SEPSECS: variants seen among roughly 807,000 people sequenced by gnomAD.
SEPSECS encodes O-phosphoseryl-tRNA(Sec) selenium transferase.
In SEPSECS, 42 loss-of-function variants were observed where a neutral mutation model predicts 52.1. The ratio of observed to expected loss-of-function variants is 0.81; its 90% CI spans 0.63 to 1.04. The LOEUF is 1.04. SEPSECS is among the 50% of genes least tolerant of loss of function. The pLI is 0.00. For synonymous variants in SEPSECS, 216 were observed against 211.4 expected, an observed-to-expected ratio of 1.02 and a Z score of -0.19; for missense variants, 590 against 610.6, an observed-to-expected ratio of 0.97 and a Z score of 0.36.
At chr4:25,124,592 T>C (rs552665159) in intron 10 of SEPSECS, among the ~76,000 whole-genome samples, 1 of 152,300 alleles carries the variant, frequency 6.6e-6, no homozygotes, top group Admixed American at 6.5e-5. Flanking sequence ...AATGATTTGG[T>C]TTTGTGCCAA....
chr4:25,156,254 T>G, intron 3 of SEPSECS, 59 bp from the exon 4 acceptor site: 1 of 1,436,826 alleles, frequency 7.0e-7, no homozygotes, highest in Admixed American at 1.7e-5. Context: ...GCATCCTTCT[T>G]GAGGAAATAA....
chr4:25,155,628 T>C (rs2109033467), intron 4 of SEPSECS, among the ~76,000 whole-genome samples: 1 of 152,314 alleles, frequency 6.6e-6, no homozygotes, highest in African/African-American at 2.4e-5. Context: ...AATCATCTAC[T>C]TAATGTTTTA....
intron 6 of SEPSECS, among the ~76,000 whole-genome samples, chr4:25,147,312 T>C (rs116547614): frequency 4.6e-4 from 70 of 152,346 alleles, no homozygotes; most frequent in African/African-American, 1.7e-3. Flanking sequence ...GCACAAAAAA[T>C]AGAATGCTCT....
At chr4:25,126,979 A>G (rs937408350) in intron 9 of SEPSECS, among the ~76,000 whole-genome samples, 3 of 152,186 alleles carry the variant, frequency 2.0e-5, no homozygotes, top group African/African-American at 7.2e-5. Context: ...AATTATTTAT[A>G]AATAGAGTTA....
chr4:25,145,036 G>A lies in SEPSECS; in HGVS notation c.902C>T (p.Ser301Leu), dbSNP rs1363933594. ...CATCTTGCTGATTTCCTGAATGAAT[G>A]AATCATTAAAGCCAGCAATTATAGC... Reference protein sequence around the residue: ...GGAIIAGFNDSFIQEISKMYP... With the variant: ...GGAIIAGFNDLFIQEISKMYP... The change falls in exon 7 of 11, where the codon TCA (serine) becomes TTA (leucine). Residue 301 changes from serine to leucine, a missense_variant. By Grantham distance (145) the Ser-to-Leu change is moderately radical (BLOSUM62 -2). Coordinates refer to ENST00000382103, the MANE Select transcript of SEPSECS (RefSeq NM_016955.4). 1.2e-6 allele frequency: 2 copies of A among 1,613,738 alleles called. No individual in the cohort carries two copies. The highest frequency in any genetic ancestry group is 1.3e-5 in the African/African-American group (1 of 74,896).
chr4:25,160,521 T>A, upstream of SEPSECS: 1 of 642,530 alleles, frequency 1.6e-6, no homozygotes, highest in South Asian at 2.1e-5. Context: ...AAAAAACACT[T>A]CTCGTTCGTG....
rs553973758 is a variant in SEPSECS at position 25,141,505 on chromosome 4, T to C, written c.1026+3269A>G. Among the ~76,000 whole-genome samples the C allele has an allele frequency of 9.9e-5, 15 of 152,270 alleles. No individual in the cohort carries two copies. In the East Asian group the frequency reaches 2.7e-3, roughly 27 times the overall value. ...GCTTCCCCATCATAGCTAATGGCTG[T>C]TCCATCCTTCCAATTGCTCAGGTCA... On this transcript the variant is annotated intron_variant, in intron 8 of 10. Coordinates refer to ENST00000382103, the MANE Select transcript of SEPSECS (RefSeq NM_016955.4).
chr4:25,154,611 A>T (rs1712505732), intron 5 of SEPSECS, among the ~76,000 whole-genome samples: 1 of 152,166 alleles, frequency 6.6e-6, no homozygotes, highest in Non-Finnish European at 1.5e-5. Context: ...AAACAATCCT[A>T]ATTTTTTTTT....
intron 9 of SEPSECS, 69 bp from the exon 10 acceptor site, chr4:25,125,853 T>C: frequency 2.2e-6 from 2 of 918,266 alleles, no homozygotes; most frequent in Non-Finnish European, 3.6e-6. Flanking sequence ...ATAATAACAA[T>C]AATAATGATG....
intron 8 of SEPSECS, among the ~76,000 whole-genome samples, chr4:25,136,052 C>A (rs1004328374): frequency 2.0e-5 from 3 of 152,086 alleles, no homozygotes; most frequent in African/African-American, 7.2e-5. Flanking sequence ...AGGAACATAT[C>A]TCAAAATAAT....
chr4:25,144,762 G>C lies in SEPSECS; in HGVS notation c.1026+12C>G, dbSNP rs374504942. ...TCAAGAATGTTATTCGACACCTAAA[G>C]GGAAAGCTTACCTTTCTTTCTTTTA... On this transcript the variant is annotated intron_variant, in intron 8 of 10. Coordinates refer to ENST00000382103, the MANE Select transcript of SEPSECS (RefSeq NM_016955.4). 3.9e-5 allele frequency: 62 copies of C among 1,576,562 alleles called. No homozygotes were observed. Among genetic ancestry groups the C allele is most frequent in the Non-Finnish European group, 5.1e-5 (58 of 1,146,736 alleles).
chr4:25,144,830 T>C lies in SEPSECS; in HGVS notation c.970A>G (p.Ile324Val), dbSNP rs747914924. The change falls in exon 8 of 11, where the codon ATT becomes GTT. Residue 324 changes from isoleucine to valine, a missense_variant. Physicochemically the swap from Ile to Val is conservative, Grantham distance 29 (BLOSUM62 3). Coordinates refer to ENST00000382103, the MANE Select transcript of SEPSECS (RefSeq NM_016955.4). ...ASASPSLDVL[I>V]TLLSLGSNGY... is the part of the protein sequence containing the mutation. Reference sequence around the variant, plus strand: ...TTTGATCCAAGTGACAATAAAGTAATAAGGACATCTAAAGAAGGTGAAGCT... The same window carrying C: ...TTTGATCCAAGTGACAATAAAGTAACAAGGACATCTAAAGAAGGTGAAGCT... 7 of 1,613,340 alleles carry C rather than the reference T, an allele frequency of 4.3e-6. No homozygotes were observed. The highest frequency in any genetic ancestry group is 5.1e-6 in the Non-Finnish European group (6 of 1,179,534).
At chr4:25,159,633 G>C (rs1265382043) in intron 1 of SEPSECS, 1 of 368,912 alleles carries the variant, frequency 2.7e-6, no homozygotes, top group Non-Finnish European at 5.5e-6. Context: ...TTAACCGGGT[G>C]TGGTGGCGGG....
At chr4:25,124,306 C>T in intron 10 of SEPSECS, 81 bp from the exon 11 acceptor site, 1 of 1,302,196 alleles carries the variant, frequency 7.7e-7, no homozygotes, top group Non-Finnish European at 1.1e-6. Context: ...ATATGTGTTA[C>T]AAAGCCTTAC....
At chr4:25,131,428 G>A (rs1031153390) in intron 8 of SEPSECS, among the ~76,000 whole-genome samples, 2 of 152,192 alleles carry the variant, frequency 1.3e-5, no homozygotes, top group South Asian at 2.1e-4. Context: ...ATGGATGACC[G>A]AGAGTAGGTA....
chr4:25,142,498 T>C (rs572380640), intron 8 of SEPSECS, among the ~76,000 whole-genome samples: 278 of 152,346 alleles, frequency 1.8e-3, no homozygotes, highest in African/African-American at 6.4e-3. Context: ...TATCTTTATC[T>C]ACTGTATTGA....
intron 6 of SEPSECS, among the ~76,000 whole-genome samples, chr4:25,146,029 C>G (rs1048041073): frequency 6.6e-6 from 1 of 152,076 alleles, no homozygotes; most frequent in Non-Finnish European, 1.5e-5. Context: ...GAATACTTAC[C>G]TACTAGAAAT....
chr4:25,157,104 C>T (rs1712712160), intron 2 of SEPSECS, 130 bp from the exon 3 acceptor site: 2 of 713,764 alleles, frequency 2.8e-6, no homozygotes, highest in Admixed American at 3.8e-5. Context: ...ATATATGTCA[C>T]AAACTATTAA....
rs1251882391 is a variant in SEPSECS, at chr4:25,123,645, A to G, written c.*286T>C. On this transcript the variant is annotated 3_prime_UTR_variant, in exon 11 of 11. Transcript: ENST00000382103. ...ATTGAAGTAATTTTACTGTCATTAC[A>G]CTAGTAAAAATTATCTGAGTCATGA... The G allele has an allele frequency of 7.1e-6, 3 of 420,866 alleles. No homozygotes were observed. The highest frequency in any genetic ancestry group is 1.3e-5 in the Non-Finnish European group (3 of 228,898). The allele number at this position is 420,866 out of a possible 1,614,324, so 26.1% of individuals were successfully genotyped here.
Sources: allele counts gnomAD v4.1 joint callset (sites outside exome capture counted in the v4.1 genomes callset), GRCh38; gene constraint gnomAD v4.1.1; transcripts MANE v1.5; gene names NCBI Gene and HGNC (gene_info 2026-07-23, HGNC 2026-07-21).